Variants in DNAH9 observed in about 807,000 individuals in gnomAD.
DNAH9 encodes DNAH9 variant protein.
A neutral mutation model predicts 471.6 loss-of-function variants in DNAH9; 345 were observed. The ratio of observed to expected loss-of-function variants is 0.73; its 90% CI spans 0.67 to 0.80. DNAH9 has a LOEUF of 0.80. Ranked by LOEUF, DNAH9 falls within the 30% of genes least tolerant of loss-of-function variation. The pLI is 0.00. For missense variants in DNAH9, 5,407 were observed against 5,609.2 expected (o/e 0.96, Z 1.15); for synonymous variants, 2,093 against 2,123.6 (o/e 0.99, Z 0.40).
intron 33 of DNAH9, among the ~76,000 whole-genome samples, chr17:11,754,177 A>G (rs1385251736): frequency 6.6e-6 from 1 of 151,044 alleles, no homozygotes; most frequent in East Asian, 1.9e-4. Flanking sequence ...TTATGGCTGC[A>G]TAGTATTCCA....
intron 17 of DNAH9, among the ~76,000 whole-genome samples, chr17:11,677,488 A>G (rs2150737657): frequency 6.6e-6 from 1 of 152,300 alleles, no homozygotes; most frequent in East Asian, 1.9e-4. Context: ...ACATTTGCTT[A>G]GTGCATCTCT....
At chr17:11,828,396 C>A (rs1227950733) in intron 48 of DNAH9, among the ~76,000 whole-genome samples, 1 of 147,662 alleles carries the variant, frequency 6.8e-6, no homozygotes, top group Non-Finnish European at 1.5e-5. Context: ...TTGCTCGAAC[C>A]TGGGCGGTGG....
At chr17:11,853,904 C>G in intron 49 of DNAH9, 99 bp from the exon 50 acceptor site, 1 of 1,148,648 alleles carries the variant, frequency 8.7e-7, no homozygotes. Flanking sequence ...TTCAAAGCAG[C>G]CCTTTCAAAC....
chr17:11,700,061 G>C (rs1032673725), intron 23 of DNAH9, among the ~76,000 whole-genome samples, 178 bp downstream of exon 23: 5 of 152,194 alleles, frequency 3.3e-5, no homozygotes, highest in African/African-American at 1.2e-4. Flanking sequence ...CTGGCGCCCT[G>C]CTTTCCTCTT....
At position 11,778,002 on chromosome 17, in the gene DNAH9, T is replaced by C. The variant is rs1047984066; in HGVS notation, c.7553-3007T>C. Among the ~76,000 whole-genome samples, 9 of 152,120 alleles carry C rather than the reference T, an allele frequency of 5.9e-5. No homozygotes were observed. In the East Asian group the frequency reaches 1.7e-3, roughly 29 times the overall value. On this transcript the variant is annotated intron_variant, in intron 38 of 68. Coordinates refer to ENST00000262442, the MANE Select transcript of DNAH9 (RefSeq NM_001372.4). ...AGGTAACAAGTGATGTAAAGAGACA[T>C]GAAGCTGGGGCAGAGGATAGCAGGT...
At chr17:11,844,626 C>G (rs1292713892) in intron 49 of DNAH9, among the ~76,000 whole-genome samples, 1 of 152,108 alleles carries the variant, frequency 6.6e-6, no homozygotes, top group African/African-American at 2.4e-5. Flanking sequence ...AGGCTGGTCT[C>G]AAACTCCTGA....
chr17:11,958,041 A>G (rs1406311512), intron 67 of DNAH9, among the ~76,000 whole-genome samples: 2 of 152,252 alleles, frequency 1.3e-5, no homozygotes, highest in Admixed American at 1.3e-4. Flanking sequence ...GTAAATGGAT[A>G]AACTGCAGTA....
At chr17:11,758,476 T>C (rs1050679811) in intron 35 of DNAH9, among the ~76,000 whole-genome samples, 6 of 152,156 alleles carry the variant, frequency 3.9e-5, no homozygotes, top group Non-Finnish European at 5.9e-5. Flanking sequence ...GTGAAGGCAA[T>C]GTGACTCAGA....
chr17:11,647,222 C>T (rs1245471929), intron 12 of DNAH9, 24 bp downstream of exon 12: 3 of 1,609,308 alleles, frequency 1.9e-6, no homozygotes, highest in East Asian at 4.5e-5. Flanking sequence ...CAGTAGCTCT[C>T]TTTTGGGTTC....
chr17:11,694,020 C>A, intron 21 of DNAH9, 22 bp downstream of exon 21: 1 of 1,608,868 alleles, frequency 6.2e-7, no homozygotes, highest in Non-Finnish European at 8.5e-7. Context: ...CCCATTACCC[C>A]TTCTCTAATA....
At chr17:11,827,319 C>A (rs562204671) in intron 48 of DNAH9, among the ~76,000 whole-genome samples, 3 of 152,254 alleles carry the variant, frequency 2.0e-5, no homozygotes, top group South Asian at 4.1e-4. Flanking sequence ...GTTCTGCTGG[C>A]GGTACAGGAA....
chr17:11,764,395 C>G (rs1224812745), intron 36 of DNAH9, among the ~76,000 whole-genome samples: 1 of 152,204 alleles, frequency 6.6e-6, no homozygotes, highest in Non-Finnish European at 1.5e-5. Context: ...AACATGGACT[C>G]TGTTAGCAAA....
intron 51 of DNAH9, among the ~76,000 whole-genome samples, chr17:11,871,080 G>A (rs1325837111): frequency 6.6e-6 from 1 of 152,070 alleles, no homozygotes; most frequent in Admixed American, 6.6e-5. Flanking sequence ...AAGAGGGCTG[G>A]GGGGTCAGGA....
chr17:11,598,555 C>T lies in DNAH9; in HGVS notation c.57C>T (p.Pro19=), dbSNP rs2072308115. 7.1e-7 allele frequency: 1 copy of T among 1,407,578 alleles called. No individual in the cohort carries two copies. Among genetic ancestry groups the T allele is most frequent in the African/African-American group, 1.5e-5 (1 of 66,524 alleles). 87.2% of individuals were successfully genotyped at this position (1,407,578 alleles called of 1,614,324 possible). Reference sequence around the variant, plus strand: ...CGGCGGAGAACGCGGATGGGGAACCCGGCGCCGACCGACGACTGCGACTCC... The same window carrying T: ...CGGCGGAGAACGCGGATGGGGAACCTGGCGCCGACCGACGACTGCGACTCC... The part of the protein sequence containing the change: ...ALAAENADGE[P]GADRRLRLLG... Residue 19 remains proline, a synonymous_variant, in exon 1 of 69, where the codon CCC becomes CCT. Coordinates refer to ENST00000262442, the MANE Select transcript of DNAH9 (RefSeq NM_001372.4).
chr17:11,641,055 C>A (rs996823932), intron 10 of DNAH9, among the ~76,000 whole-genome samples: 1 of 152,090 alleles, frequency 6.6e-6, no homozygotes, highest in African/African-American at 2.4e-5. Flanking sequence ...AAGACTTAAT[C>A]TTGCTGACAG....
intron 24 of DNAH9, among the ~76,000 whole-genome samples, chr17:11,702,055 C>T (rs776607276): frequency 7.9e-5 from 12 of 152,164 alleles, no homozygotes; most frequent in Non-Finnish European, 1.6e-4. Flanking sequence ...TCTGGGGACA[C>T]GCCCCTGAGC....
intron 62 of DNAH9, among the ~76,000 whole-genome samples, chr17:11,929,269 C>T (rs867153581): frequency 6.6e-6 from 1 of 151,964 alleles, no homozygotes; most frequent in Admixed American, 6.6e-5. Flanking sequence ...CTCCTGACCT[C>T]GTGATCCGCC....
chr17:11,779,201 A>G (rs1214713130), intron 38 of DNAH9, among the ~76,000 whole-genome samples: 1 of 152,108 alleles, frequency 6.6e-6, no homozygotes, highest in Non-Finnish European at 1.5e-5. Flanking sequence ...CCTGGGCTCC[A>G]GGTGTGGGCT....
chr17:11,694,071 G>A (rs757412626), intron 21 of DNAH9, 73 bp downstream of exon 21: 2 of 1,552,400 alleles, frequency 1.3e-6, no homozygotes, highest in Non-Finnish European at 1.8e-6. Flanking sequence ...TCTGAGACCA[G>A]TGGGCAGAAG....
Sources: allele counts gnomAD v4.1 joint callset (sites outside exome capture counted in the v4.1 genomes callset), GRCh38; gene constraint gnomAD v4.1.1; transcripts MANE v1.5; gene names NCBI Gene and HGNC (gene_info 2026-07-23, HGNC 2026-07-21).